Variants in PAN3 observed in about 807,000 individuals in gnomAD.
The protein encoded by PAN3 is poly(A) specific ribonuclease subunit PAN3, also known as PAN2-PAN3 deadenylation complex subunit PAN3.
Under a neutral mutation model 96.2 loss-of-function variants are expected in PAN3, and 19 were observed. The observed-to-expected ratio is 0.20, with a 90% CI of 0.14 to 0.29. PAN3 has a LOEUF of 0.29. PAN3 is among the 10% of genes least tolerant of loss of function. The pLI, the probability that PAN3 is intolerant of heterozygous loss-of-function variation, is 1.00. For missense variants in PAN3, 882 were observed against 1,108.1 expected (o/e 0.80, Z 2.90); for synonymous variants, 433 against 406.6 (o/e 1.06, Z -0.78).
chr13:28,145,396 C>T (rs939218115), intron 1 of PAN3, among the ~76,000 whole-genome samples: 2 of 152,210 alleles, frequency 1.3e-5, no homozygotes, highest in Admixed American at 1.3e-4. Flanking sequence ...GTGATCTCTG[C>T]TAACTGCAAC....
intron 5 of PAN3, chr13:28,215,596 GCCACACAGC>G: frequency 1.2e-6 from 1 of 847,110 alleles, no homozygotes; most frequent in African/African-American, 1.7e-5. Context: ...GTACTGAATT[GCCACACAGC>G]CCATGTTGCA....
chr13:28,189,465 G>A (rs1393992814), intron 4 of PAN3, among the ~76,000 whole-genome samples: 5 of 151,808 alleles, frequency 3.3e-5, no homozygotes, highest in Admixed American at 3.3e-4. Context: ...GCAGTGAGCC[G>A]AGATCATGCC....
chr13:28,161,449 T>C (rs1037662683), intron 1 of PAN3, among the ~76,000 whole-genome samples: 1 of 152,240 alleles, frequency 6.6e-6, no homozygotes, highest in African/African-American at 2.4e-5. Context: ...AATTTCCCTT[T>C]TTTATAATGT....
At chr13:28,290,141 A>T (rs149700851) in intron 18 of PAN3, among the ~76,000 whole-genome samples, 20 of 152,352 alleles carry the variant, frequency 1.3e-4, no homozygotes, top group Middle Eastern at 3.4e-3. Flanking sequence ...ATAAACAATA[A>T]GCCAAACCTA....
At chr13:28,257,514 A>C (rs1885239717) in intron 7 of PAN3, among the ~76,000 whole-genome samples, 1 of 151,076 alleles carries the variant, frequency 6.6e-6, no homozygotes, top group African/African-American at 2.4e-5. Context: ...CGAGTAAGTG[A>C]AGTTTCATCC....
intron 1 of PAN3, among the ~76,000 whole-genome samples, chr13:28,141,462 CTT>C (rs759736683): frequency 2.2e-5 from 2 of 90,350 alleles, no homozygotes; most frequent in Non-Finnish European, 2.2e-5. Flanking sequence ...TTCTTTTTTT[CTT>C]TTTTTTTTTT....
intron 4 of PAN3, among the ~76,000 whole-genome samples, chr13:28,190,193 C>T (rs540032365): frequency 6.4e-4 from 97 of 152,258 alleles, no homozygotes; most frequent in African/African-American, 2.3e-3. Flanking sequence ...GATCCGCCCG[C>T]GTCGGCCTCC....
chr13:28,247,479 T>A (rs1178124556), intron 6 of PAN3, among the ~76,000 whole-genome samples: 1 of 152,188 alleles, frequency 6.6e-6, no homozygotes, highest in Non-Finnish European at 1.5e-5. Flanking sequence ...TTGCCTATGC[T>A]TTTGAGATCT....
chr13:28,287,446 T>A (rs112469416), intron 17 of PAN3, among the ~76,000 whole-genome samples: 4 of 152,240 alleles, frequency 2.6e-5, no homozygotes, highest in African/African-American at 7.2e-5. Flanking sequence ...GTTACAGCTT[T>A]CTTTGATTAT....
chr13:28,148,112 T>C lies in PAN3; in HGVS notation c.430+9025T>C, dbSNP rs368786554. On this transcript the variant is annotated intron_variant, in intron 1 of 18. Transcript: ENST00000380958. ...CTGAGACTACAGGCATAAGCCACCA[T>C]GTCCAGCTCCTTTTTGAATTTTTTG... Among the ~76,000 whole-genome samples, 1,375 of 152,166 alleles carry C rather than the reference T, an allele frequency of 9.0e-3. 28 individuals are homozygous for C. Among genetic ancestry groups the C allele is most frequent in the African/African-American group, 0.031 (1,303 of 41,506 alleles).
intron 1 of PAN3, among the ~76,000 whole-genome samples, chr13:28,171,799 T>C (rs1332801079): frequency 6.6e-6 from 1 of 152,206 alleles, no homozygotes; most frequent in East Asian, 1.9e-4. Context: ...ACTCAGCCTG[T>C]AGCCCCTCTC....
chr13:28,193,073 C>T (rs187364254), intron 4 of PAN3, among the ~76,000 whole-genome samples: 12 of 152,254 alleles, frequency 7.9e-5, no homozygotes, highest in South Asian at 6.2e-4. Context: ...CTAATGATAG[C>T]TGATGAGCTT....
At chr13:28,217,483 G>A (rs1880925631) in intron 5 of PAN3, among the ~76,000 whole-genome samples, 1 of 152,016 alleles carries the variant, frequency 6.6e-6, no homozygotes. Flanking sequence ...TAGGGTGACT[G>A]AGGCAGGACA....
intron 4 of PAN3, among the ~76,000 whole-genome samples, chr13:28,185,954 G>A (rs1161908433): frequency 6.6e-6 from 1 of 152,150 alleles, no homozygotes; most frequent in Non-Finnish European, 1.5e-5. Context: ...AGGTAGGTAT[G>A]GGGAATGAAT....
intron 17 of PAN3, among the ~76,000 whole-genome samples, chr13:28,283,691 C>T (rs1868581295): frequency 6.6e-6 from 1 of 152,146 alleles, no homozygotes; most frequent in Admixed American, 6.5e-5. Flanking sequence ...CAAATATGAC[C>T]TGACTTATTC....
chr13:28,204,227 CT>C (rs1879090668), intron 5 of PAN3, among the ~76,000 whole-genome samples: 1 of 152,230 alleles, frequency 6.6e-6, no homozygotes, highest in Non-Finnish European at 1.5e-5. Flanking sequence ...TGCAAATTCA[CT>C]TTGATCTTTC....
Position 28,287,993 on chromosome 13 carries a change from G to C in PAN3, c.2394G>C (p.Lys798Asn). Residue 798 changes from lysine (K) to asparagine (N), a missense_variant, in exon 18 of 19, where the codon AAG becomes AAC. By Grantham distance (94) the Lys-to-Asn change is moderately conservative. Coordinates refer to ENST00000380958, the MANE Select transcript of PAN3 (RefSeq NM_175854.8). ...GTINERPEFQKDPTWSETGDR... is the reference protein window; with the variant it reads ...GTINERPEFQNDPTWSETGDR... The stretch of plus-strand genomic sequence containing the variant: ...TGTTCATTTCCCCCAGGTTTCAGAA[G>C]GATCCCACTTGGTCAGAGACTGGAG... 1 of 1,608,212 alleles carries C rather than the reference G, an allele frequency of 6.2e-7. No homozygotes were observed. Among genetic ancestry groups the C allele is most frequent in the East Asian group, 2.2e-5 (1 of 44,744 alleles).
intron 6 of PAN3, among the ~76,000 whole-genome samples, chr13:28,225,367 C>T (rs1445683511): frequency 6.6e-6 from 1 of 152,110 alleles, no homozygotes; most frequent in East Asian, 1.9e-4. Flanking sequence ...GTTTAAAGTT[C>T]TGTGCCAAAA....
At chr13:28,257,730 A>ATATAT (rs1885296838) in intron 7 of PAN3, among the ~76,000 whole-genome samples, 1 of 113,956 alleles carries the variant, frequency 8.8e-6, no homozygotes, top group Non-Finnish European at 2.0e-5. Context: ...AATATATATT[A>ATATAT]TATATAAATT....
Sources: allele counts gnomAD v4.1 joint callset (sites outside exome capture counted in the v4.1 genomes callset), GRCh38; gene constraint gnomAD v4.1.1; transcripts MANE v1.5; gene names NCBI Gene and HGNC (gene_info 2026-07-23, HGNC 2026-07-21).